The following SPEN variants were observed in gnomAD, a reference collection of about 807,000 sequenced individuals.
The protein encoded by SPEN is msx2-interacting protein.
Under a neutral mutation model 269.9 loss-of-function variants are expected in SPEN, and 18 were observed. The ratio of observed to expected loss-of-function variants is 0.07; its 90% confidence interval spans 0.05 to 0.10. SPEN has a LOEUF of 0.10. Ranked by LOEUF, SPEN falls within the 10% of genes least tolerant of loss-of-function variation. The pLI is 1.00. For synonymous variants in SPEN, 1,726 were observed against 1,765.7 expected (o/e 0.98, Z 0.56); for missense variants, 3,822 against 4,631.2 (o/e 0.83, Z 5.07).
At chr1:15,901,310 T>C (rs913181592) in intron 3 of SPEN, among the ~76,000 whole-genome samples, 11 of 149,126 alleles carry the variant, frequency 7.4e-5, no homozygotes, top group African/African-American at 2.7e-4. Flanking sequence ...GTAGAGACTC[T>C]GTCTGGTAAA....
intron 3 of SPEN, among the ~76,000 whole-genome samples, chr1:15,886,238 CT>C (rs776730114): frequency 9.9e-5 from 15 of 152,118 alleles, no homozygotes; most frequent in Non-Finnish European, 2.1e-4. Flanking sequence ...GGGAACCTTG[CT>C]TTTAGTTAGG....
intron 3 of SPEN, among the ~76,000 whole-genome samples, chr1:15,880,193 G>A (rs1479587401): frequency 5.3e-5 from 8 of 152,064 alleles, no homozygotes; most frequent in Non-Finnish European, 7.4e-5. Context: ...ATCACTGAGA[G>A]ATTCTTGCTC....
intron 7 of SPEN, 64 bp downstream of exon 7, chr1:15,919,115 G>T (rs1043632392): frequency 7.7e-6 from 10 of 1,297,326 alleles, no homozygotes; most frequent in Admixed American, 4.7e-5. Context: ...GACTTGAAGG[G>T]TTTTTTTTTT....
At chr1:15,849,064 C>T (rs1174495025) in intron 1 of SPEN, among the ~76,000 whole-genome samples, 1 of 152,026 alleles carries the variant, frequency 6.6e-6, no homozygotes, top group African/African-American at 2.4e-5. Flanking sequence ...TATTGAGTAG[C>T]GTGTAGTGCG....
chr1:15,901,389 TGAGCCAGGAGGCC>T (rs1322424789), intron 3 of SPEN, among the ~76,000 whole-genome samples: 2 of 151,336 alleles, frequency 1.3e-5, no homozygotes, highest in Admixed American at 1.3e-4. Context: ...ATGCCTGTAA[TGAGCCAGGAGGCC>T]GAGGTCAGCA....
chr1:15,855,752 A>G (rs1312785444), intron 1 of SPEN, among the ~76,000 whole-genome samples: 1 of 151,332 alleles, frequency 6.6e-6, no homozygotes, highest in Non-Finnish European at 1.5e-5. Context: ...AATCCCAGCT[A>G]CTCGGGAGGC....
intron 3 of SPEN, among the ~76,000 whole-genome samples, chr1:15,899,839 T>A (rs1030106679): frequency 7.2e-5 from 11 of 151,974 alleles, no homozygotes; most frequent in African/African-American, 2.7e-4. Flanking sequence ...TGTTTTATTT[T>A]TTTATTTTAT....
In SPEN at chr1:15,848,563, G is replaced by T. The variant is rs1353228572; in HGVS notation, c.83+413G>T. Among the ~76,000 whole-genome samples, 2 of 152,074 alleles carry T rather than the reference G, an allele frequency of 1.3e-5. No homozygotes were observed. Among genetic ancestry groups the T allele is most frequent in the African/African-American group, 2.4e-5 (1 of 41,442 alleles). On this transcript the variant is annotated intron_variant, in intron 1 of 14. Transcript: ENST00000375759. The surrounding 1 kb of genome is among the most constrained non-coding windows in gnomAD (Gnocchi z 5.1). ...CCGAGCCCGCCCGACAGCCGGGTCC[G>T]GCGCCGCCACTCCAAGCTGCTCTGC...
Position 15,929,292 on chromosome 1 carries a change from AAGC to A in SPEN, c.3056_3058del (p.Gln1019del). On this transcript the variant is annotated inframe_deletion, in exon 11 of 15. Transcript: ENST00000375759. The surrounding 1 kb of genome is among the most constrained non-coding windows in gnomAD (Gnocchi z 5.8). ...GGAGGATGCTCGCGTGCTTTCAAAAAAGCAGCCTGACGTGTCCTCTAGAGAGGT... is the reference window on the plus strand; with the variant it reads ...GGAGGATGCTCGCGTGCTTTCAAAAAAGCCTGACGTGTCCTCTAGAGAGGT... The A allele has an allele frequency of 1.9e-6, 3 of 1,614,200 alleles. No homozygotes were observed. Among genetic ancestry groups the A allele is most frequent in the Non-Finnish European group, 2.5e-6 (3 of 1,180,032 alleles).
intron 3 of SPEN, among the ~76,000 whole-genome samples, chr1:15,907,180 T>C (rs1482502273): frequency 2.0e-5 from 3 of 152,120 alleles, no homozygotes; most frequent in Non-Finnish European, 4.4e-5. Flanking sequence ...ACTTATTTAG[T>C]TTTAAAAAAA....
intron 5 of SPEN, among the ~76,000 whole-genome samples, chr1:15,915,564 C>T (rs1232392470): frequency 1.3e-5 from 2 of 152,118 alleles, no homozygotes; most frequent in East Asian, 1.9e-4. Context: ...CAGGTTCTCT[C>T]ACTGCCATCA....
chr1:15,859,358 C>CTTTTT (rs143092339), intron 1 of SPEN, among the ~76,000 whole-genome samples: 27 of 115,590 alleles, frequency 2.3e-4, no homozygotes, highest in African/African-American at 6.4e-4. Context: ...TTTTTCTTTT[C>CTTTTT]TTTTTTTTTT....
Position 15,937,357 on chromosome 1 carries a change from A to G in SPEN, c.10221A>G (p.Gly3407=), listed in dbSNP as rs758663275. The G allele has an allele frequency of 3.1e-6, 5 of 1,613,922 alleles. No individual in the cohort carries two copies. The highest frequency in any genetic ancestry group is 2.2e-5 in the East Asian group (1 of 44,850). The change falls in exon 12 of 15, where the codon GGA becomes GGG. Residue 3407 remains glycine, a synonymous_variant. Coordinates refer to ENST00000375759, the MANE Select transcript of SPEN (RefSeq NM_015001.3). The surrounding 1 kb of genome is among the most constrained non-coding windows in gnomAD (Gnocchi z 5.7). ...TGVEQPRLPA[G]PANRPPEPHT... is the part of the protein sequence containing the mutation. ...TAGAGCAGCCTCGCCTCCCAGCTGG[A>G]CCTGCAAACAGGCCACCTGAGCCTC... is the stretch of plus-strand genomic sequence containing the variant.
intron 3 of SPEN, among the ~76,000 whole-genome samples, chr1:15,898,171 C>A (rs894824805): frequency 2.5e-5 from 3 of 119,232 alleles, no homozygotes; most frequent in African/African-American, 7.7e-5. Context: ...CTTAATTTAT[C>A]TTTGTGTGTG....
chr1:15,849,002 C>T (rs1341093351), intron 1 of SPEN, among the ~76,000 whole-genome samples: 4 of 152,050 alleles, frequency 2.6e-5, no homozygotes, highest in Non-Finnish European at 1.5e-5. Context: ...AAAAAAACCT[C>T]CCCTGAATAT....
In SPEN at chr1:15,909,394, A is replaced by C; in HGVS notation, c.955A>C (p.Thr319Pro). Residue 319 changes from threonine (T) to proline (P), a missense_variant, in exon 4 of 15, where the codon ACT becomes CCT. Around this residue, in one of 16 missense-constraint regions of SPEN, gnomAD observed 327 missense variants for 350.8 expected, o/e 0.93. Transcript: ENST00000375759. ...TCAGTCTGCAGCAGTCCCTGCACCC[A>C]CTTCCCAGTTGCTTTCATCTCTGGA... is the stretch of plus-strand genomic sequence containing the variant. ...SVQSAAVPAP[T>P]SQLLSSLEKD... The C allele has an allele frequency of 1.2e-6, 2 of 1,614,140 alleles. No individual in the cohort carries two copies. Among genetic ancestry groups the C allele is most frequent in the Non-Finnish European group, 1.7e-6 (2 of 1,180,030 alleles).
chr1:15,854,076 C>CA (rs1402244930), intron 1 of SPEN, among the ~76,000 whole-genome samples: 6 of 152,116 alleles, frequency 3.9e-5, no homozygotes, highest in Non-Finnish European at 8.8e-5. Context: ...GCTGGGATTA[C>CA]AGGCGCCAGC....
Position 15,848,016 on chromosome 1 carries a change from C to G in SPEN, c.-52C>G, listed in dbSNP as rs1295361654. On this transcript the variant is annotated 5_prime_UTR_variant, in exon 1 of 15. Transcript: ENST00000375759. This position sits in a 1 kb window ranked among gnomAD's most constrained non-coding sequence, Gnocchi z 5.1. ...GCCTCCCGGCGCTGACGGTCTCGTACGAAGCCGGCGAGGGGGAGCCAGCAG... is the reference window on the plus strand; with the variant it reads ...GCCTCCCGGCGCTGACGGTCTCGTAGGAAGCCGGCGAGGGGGAGCCAGCAG... 1.6e-6 allele frequency: 2 copies of G among 1,285,066 alleles called. No individual in the cohort carries two copies. The highest frequency in any genetic ancestry group is 1.5e-5 in the African/African-American group (1 of 64,956). 79.6% of individuals were successfully genotyped at this position (1,285,066 alleles called of 1,614,324 possible).
chr1:15,938,129 A>T (rs998379930), intron 13 of SPEN, 123 bp downstream of exon 13: 37 of 921,452 alleles, frequency 4.0e-5, no homozygotes, highest in Non-Finnish European at 5.4e-5. Flanking sequence ...GTTGTTGTTG[A>T]AACAGTCTCT....
Sources: allele counts gnomAD v4.1 joint callset (sites outside exome capture counted in the v4.1 genomes callset), GRCh38; gene constraint gnomAD v4.1.1; regional missense constraint gnomAD v4.1.1; non-coding constraint Gnocchi (gnomAD v3.1); transcripts MANE v1.5; gene names NCBI Gene and HGNC (gene_info 2026-07-23, HGNC 2026-07-21).